The following TRIM67 variants were observed in gnomAD, a reference collection of about 807,000 sequenced individuals.
The protein encoded by TRIM67 is tripartite motif-containing protein 67.
In TRIM67, 39 loss-of-function variants were observed where a neutral mutation model predicts 71.0. The observed-to-expected ratio is 0.55, with a 90% CI of 0.43 to 0.72. TRIM67 has a LOEUF of 0.72. Ranked by LOEUF, TRIM67 falls within the 30% of genes least tolerant of loss-of-function variation. The pLI, the probability that TRIM67 is intolerant of heterozygous loss-of-function variation, is 0.00. For missense variants in TRIM67, 973 were observed against 1,079.2 expected (o/e 0.90, Z 1.38); for synonymous variants, 481 against 473.9 (o/e 1.01, Z -0.19).
chr1:231,182,903 C>A (rs1182954608), intron 1 of TRIM67, among the ~76,000 whole-genome samples: 1 of 152,238 alleles, frequency 6.6e-6, no homozygotes, highest in Non-Finnish European at 1.5e-5. Context: ...GGCAGTACTG[C>A]CCATCAGTCC....
chr1:231,192,623 G>A (rs1308087154), intron 1 of TRIM67, among the ~76,000 whole-genome samples: 1 of 152,254 alleles, frequency 6.6e-6, no homozygotes, highest in Non-Finnish European at 1.5e-5. Flanking sequence ...ACAAAGGACT[G>A]GGTTGAAGAA....
chr1:231,197,446 A>G lies in TRIM67; in HGVS notation c.1120A>G (p.Asn374Asp). 8 of 1,614,022 alleles carry G rather than the reference A, an allele frequency of 5.0e-6. No homozygotes were observed. Among genetic ancestry groups the G allele is most frequent in the Non-Finnish European group, 6.8e-6 (8 of 1,179,878 alleles). Residue 374 changes from asparagine to aspartate, a missense_variant, in exon 2 of 10, where the codon AAC becomes GAC. By Grantham distance (23) the Asn-to-Asp change is conservative. This residue lies in a region of TRIM67 where 795 missense variants were observed against 831.3 expected (regional missense o/e 0.96). Coordinates refer to ENST00000366653, the MANE Select transcript of TRIM67 (RefSeq NM_001004342.5). ...EAKEFLVQLK[N>D]ILQQIQENGL... is the part of the protein sequence containing the mutation. Reference sequence around the variant, plus strand: ...AAAGGAGTTTCTGGTTCAGCTAAAGAACATATTGCAGCAGATCCAGGTGAG... The same window carrying G: ...AAAGGAGTTTCTGGTTCAGCTAAAGGACATATTGCAGCAGATCCAGGTGAG...
rs369558747 is a variant in TRIM67 at position 231,169,993 on chromosome 1, C to CTTTTTTTTTTTTTTTTTTTTTTTT, written c.1044+5990_1044+5991insTTTTTTTTTTTTTTTTTTTTTTTT. 1.3e-3 allele frequency among the ~76,000 whole-genome samples: 172 copies of CTTTTTTTTTTTTTTTTTTTTTTTT among 135,998 alleles called. 11 individuals are homozygous for CTTTTTTTTTTTTTTTTTTTTTTTT. The highest frequency in any genetic ancestry group is 4.9e-3 in the African/African-American group (152 of 30,842). 89.2% of individuals were successfully genotyped at this position (135,998 alleles called of 152,430 possible). ...CTTTAAAATGTTTTTTTCTTTCTCT[C>CTTTTTTTTTTTTTTTTTTTTTTTT]TTTTTTTTTTGAGTTGGAGTTTCAC... On this transcript the variant is annotated intron_variant, in intron 1 of 9. Coordinates refer to ENST00000366653, the MANE Select transcript of TRIM67 (RefSeq NM_001004342.5).
In TRIM67 at chr1:231,206,611, A is replaced by T. The variant is rs750075744; in HGVS notation, c.1681-41A>T. 6 of 1,503,754 alleles carry T rather than the reference A, an allele frequency of 4.0e-6. No homozygotes were observed. In the East Asian group the frequency reaches 1.5e-4, roughly 37 times the overall value. 93.2% of individuals were successfully genotyped at this position (1,503,754 alleles called of 1,614,324 possible). A position where few individuals can be genotyped will look rare whatever the true frequency, so the allele number is the denominator to read the frequency against. On this transcript the variant is annotated intron_variant, in intron 6 of 9. Transcript: ENST00000366653. ...GCCATTTGCTAAGAGGAGCTTTCCA[A>T]ATGCTAGAGGAGCCTGGTGAGCAGC...
At chr1:231,189,562 G>A (rs1458746621) in intron 1 of TRIM67, among the ~76,000 whole-genome samples, 1 of 152,166 alleles carries the variant, frequency 6.6e-6, no homozygotes, top group African/African-American at 2.4e-5. Flanking sequence ...AGACAGGGGG[G>A]TTGATAAACA....
In TRIM67 at chr1:231,209,182, C is replaced by T; in HGVS notation, c.2055C>T (p.Asp685=). Residue 685 remains aspartate (D), a synonymous_variant, in exon 8 of 10, where the codon GAC becomes GAT. Coordinates refer to ENST00000366653, the MANE Select transcript of TRIM67 (RefSeq NM_001004342.5). The surrounding 1 kb of genome is among the most constrained non-coding windows in gnomAD (Gnocchi z 4.1). The part of the protein sequence containing the change: ...VVKDMMLGKD[D]KAWAMYVDNN... Reference sequence around the variant, plus strand: ...AGGACATGATGCTGGGCAAGGATGACAAGGCCTGGGCCATGTATGTGGACA... The same window carrying T: ...AGGACATGATGCTGGGCAAGGATGATAAGGCCTGGGCCATGTATGTGGACA... 1.2e-6 allele frequency: 2 copies of T among 1,611,216 alleles called. No homozygotes were observed. Among genetic ancestry groups the T allele is most frequent in the Non-Finnish European group, 8.5e-7 (1 of 1,178,116 alleles).
intron 1 of TRIM67, among the ~76,000 whole-genome samples, chr1:231,173,907 G>A (rs1682675518): frequency 6.6e-6 from 1 of 152,188 alleles, no homozygotes; most frequent in African/African-American, 2.4e-5. Flanking sequence ...CAGAAATGGA[G>A]AGAGGCTTAT....
At chr1:231,172,676 T>C (rs1212758584) in intron 1 of TRIM67, among the ~76,000 whole-genome samples, 5 of 152,168 alleles carry the variant, frequency 3.3e-5, no homozygotes, top group African/African-American at 9.7e-5. Context: ...AAAAAATCTG[T>C]CCAGACGGTG....
At position 231,201,282 on chromosome 1, in the gene TRIM67, C is replaced by G; in HGVS notation, c.1375-76C>G. 3.4e-6 allele frequency: 5 copies of G among 1,487,350 alleles called. No individual in the cohort carries two copies. In the Admixed American group the frequency reaches 6.4e-5, roughly 19 times the overall value. The allele number at this position is 1,487,350 out of a possible 1,614,324, so 92.1% of individuals were successfully genotyped here. A position where few individuals can be genotyped will look rare whatever the true frequency, so the allele number is the denominator to read the frequency against. On this transcript the variant is annotated intron_variant, in intron 4 of 9. Coordinates refer to ENST00000366653, the MANE Select transcript of TRIM67 (RefSeq NM_001004342.5). ...TCTGAGTCCCATAGAGACAAAGTCC[C>G]TACCTCTTCCTCACCCCTGGCTGCA... is the stretch of plus-strand genomic sequence containing the variant.
intron 1 of TRIM67, among the ~76,000 whole-genome samples, chr1:231,185,469 G>T (rs74535317): frequency 1.3e-5 from 2 of 151,776 alleles, no homozygotes; most frequent in Non-Finnish European, 2.9e-5. Context: ...CAGGACCAGG[G>T]AGTGAGCCGG....
At position 231,217,452 on chromosome 1, in the gene TRIM67, T is replaced by G. The variant is rs1684042705; in HGVS notation, c.*2012T>G. 4 of 993,560 alleles carry G rather than the reference T, an allele frequency of 4.0e-6. No homozygotes were observed. Among genetic ancestry groups the G allele is most frequent in the Middle Eastern group, 5.1e-4 (1 of 1,946 alleles). 61.5% of individuals were successfully genotyped at this position (993,560 alleles called of 1,614,324 possible). A position where few individuals can be genotyped will look rare whatever the true frequency, so the allele number is the denominator to read the frequency against. ...CCTCTGTCTCCCATATCCCTGCAGC[T>G]TCATCCTTAGCCATAGCTCTGGGTG... On this transcript the variant is annotated 3_prime_UTR_variant, in exon 10 of 10. Coordinates refer to ENST00000366653, the MANE Select transcript of TRIM67 (RefSeq NM_001004342.5).
chr1:231,184,885 AGG>A lies in TRIM67; in HGVS notation c.1045-12484_1045-12483del, dbSNP rs1683017261. 1.9e-5 allele frequency: 15 copies of A among 788,082 alleles called. No individual in the cohort carries two copies. The African/African-American group carries it at 2.5e-4, about 13-fold the overall frequency. 48.8% of individuals were successfully genotyped at this position (788,082 alleles called of 1,614,324 possible). A position where few individuals can be genotyped will look rare whatever the true frequency, so the allele number is the denominator to read the frequency against. On this transcript the variant is annotated intron_variant, in intron 1 of 9. Coordinates refer to ENST00000366653, the MANE Select transcript of TRIM67 (RefSeq NM_001004342.5). Reference sequence around the variant, plus strand: ...CACGTGAGGACACGAAGTCTCACAGAGGGCAAGAAACTAGGTCACGTAAAATT... The same window carrying A: ...CACGTGAGGACACGAAGTCTCACAGAGCAAGAAACTAGGTCACGTAAAATT...
At chr1:231,194,923 T>G (rs1415492337) in intron 1 of TRIM67, among the ~76,000 whole-genome samples, 2 of 151,488 alleles carry the variant, frequency 1.3e-5, no homozygotes, top group East Asian at 3.9e-4. Flanking sequence ...GGCAGGGAGG[T>G]CTCTCTATGT....
chr1:231,219,241 C>A lies in TRIM67; in HGVS notation c.*3801C>A. On this transcript the variant is annotated 3_prime_UTR_variant, in exon 10 of 10. Transcript: ENST00000366653. ...CTGTATGCCGTAGGATGTTTAGCAACATCCCTGGTCTCTACCCATCATCTG... is the reference window on the plus strand; with the variant it reads ...CTGTATGCCGTAGGATGTTTAGCAAAATCCCTGGTCTCTACCCATCATCTG... 1 of 982,036 alleles carries A rather than the reference C, an allele frequency of 1.0e-6. No individual in the cohort carries two copies. The highest frequency in any genetic ancestry group is 4.7e-5 in the South Asian group (1 of 21,226). The allele number at this position is 982,036 out of a possible 1,614,324, so 60.8% of individuals were successfully genotyped here.
At chr1:231,167,590 G>A (rs1196366929) in intron 1 of TRIM67, among the ~76,000 whole-genome samples, 2 of 106,110 alleles carry the variant, frequency 1.9e-5, no homozygotes, top group Non-Finnish European at 3.4e-5. Flanking sequence ...CCAAAGTGCT[G>A]GGATTACAGG....
chr1:231,167,432 C>G (rs377081750), intron 1 of TRIM67, among the ~76,000 whole-genome samples: 1 of 105,382 alleles, frequency 9.5e-6, no homozygotes, highest in Non-Finnish European at 1.7e-5. Flanking sequence ...ACGCCATTCT[C>G]CCGCCTCAGC....
rs1408809100 is a variant in TRIM67 at position 231,202,237 on chromosome 1, A to AG, written c.1534+727dup. ...GAGGAGGAGGAGGTAGTAGGAGAGG[A>AG]GGGGGGGTAGTGGAGAAGGAGGAGG... is the stretch of plus-strand genomic sequence containing the variant. On this transcript the variant is annotated intron_variant, in intron 5 of 9. Coordinates refer to ENST00000366653, the MANE Select transcript of TRIM67 (RefSeq NM_001004342.5). 6.0e-5 allele frequency among the ~76,000 whole-genome samples: 8 copies of AG among 132,706 alleles called. No homozygotes were observed. In the South Asian group the frequency reaches 7.7e-4, roughly 13 times the overall value. The allele number at this position is 132,706 out of a possible 152,430, so 87.1% of individuals were successfully genotyped here. A position where few individuals can be genotyped will look rare whatever the true frequency, so the allele number is the denominator to read the frequency against.
chr1:231,196,636 A>G (rs1032777966), intron 1 of TRIM67, among the ~76,000 whole-genome samples: 15 of 152,112 alleles, frequency 9.9e-5, no homozygotes, highest in Non-Finnish European at 4.4e-5. Context: ...GACAAATTCA[A>G]TTGTGTGTGT....
At chr1:231,196,342 T>C (rs115793649) in intron 1 of TRIM67, among the ~76,000 whole-genome samples, 1,878 of 152,210 alleles carry the variant, frequency 0.012, 40 homozygotes, top group African/African-American at 0.043. Flanking sequence ...GCGTGATGGC[T>C]CACACCTGTA....
Sources: gnomAD v4.1 joint callset for allele counts (sites outside exome capture counted in the v4.1 genomes callset) on GRCh38, gnomAD v4.1.1 for gene constraint, gnomAD v4.1.1 regional missense constraint, Gnocchi (gnomAD v3.1) non-coding constraint, MANE v1.5 for transcripts, NCBI Gene and HGNC (gene_info 2026-07-23, HGNC 2026-07-21) for gene names.